Variants in TMEM183A observed in about 807,000 individuals in gnomAD.
TMEM183A encodes transmembrane protein 183A.
In TMEM183A, 21 loss-of-function variants were observed where a neutral mutation model predicts 46.7. The observed-to-expected ratio is 0.45, with a 90% confidence interval of 0.32 to 0.65. TMEM183A has a LOEUF of 0.65. TMEM183A is among the 30% of genes least tolerant of loss of function. TMEM183A has a pLI of 0.04. For missense variants in TMEM183A, 331 were observed against 481.9 expected (o/e 0.69, Z 2.93); for synonymous variants, 165 against 180.2 (o/e 0.92, Z 0.68).
rs1182645720 is a variant in TMEM183A at position 203,013,825 on chromosome 1, C to T, written c.368-1064C>T. On this transcript the variant is annotated intron_variant, in intron 3 of 7. Coordinates refer to ENST00000367242, the MANE Select transcript of TMEM183A (RefSeq NM_138391.6). This position sits in a 1 kb window ranked among gnomAD's most constrained non-coding sequence, Gnocchi z 4.0. The stretch of plus-strand genomic sequence containing the variant: ...ACCGTGCCCGGCCTAAGTGCCATCT[C>T]AGCTCACTGCAACCTCCACCTCCTG... Among the ~76,000 whole-genome samples, 5 of 151,638 alleles carry T rather than the reference C, an allele frequency of 3.3e-5. No homozygotes were observed.
intron 6 of TMEM183A, 28 bp from the exon 7 acceptor site, chr1:203,020,765 C>T: frequency 6.2e-7 from 1 of 1,613,168 alleles, no homozygotes; most frequent in Non-Finnish European, 8.5e-7. Context: ...TCTTCTAAGC[C>T]ATTGGATTAA....
intron 3 of TMEM183A, among the ~76,000 whole-genome samples, chr1:203,012,722 T>G (rs1306375507): frequency 6.6e-6 from 1 of 152,198 alleles, no homozygotes; most frequent in Non-Finnish European, 1.5e-5. Flanking sequence ...TTTTGTTTGT[T>G]TTTTTGGTTT....
intron 7 of TMEM183A, 116 bp from the exon 8 acceptor site, chr1:203,022,739 G>T: frequency 1.4e-5 from 18 of 1,282,528 alleles, no homozygotes; most frequent in Non-Finnish European, 2.0e-5. Context: ...TTATAATTTA[G>T]AGATTAATCT....
chr1:203,015,833 G>T lies in TMEM183A; in HGVS notation c.528-127G>T. 4.1e-6 allele frequency: 5 copies of T among 1,207,732 alleles called. No individual in the cohort carries two copies. In the South Asian group the frequency reaches 7.9e-5, roughly 19 times the overall value. The allele number at this position is 1,207,732 out of a possible 1,614,324, so 74.8% of individuals were successfully genotyped here. ...CGCCAAGAGGTCAAGTAGCACTGGG[G>T]ACAGGCTATCTACTGGCCAGTGGAA... On this transcript the variant is annotated intron_variant, in intron 4 of 7. Transcript: ENST00000367242.
chr1:203,018,905 A>C (rs890480986), intron 6 of TMEM183A, among the ~76,000 whole-genome samples: 1 of 152,232 alleles, frequency 6.6e-6, no homozygotes, highest in African/African-American at 2.4e-5. Flanking sequence ...AATCCCATTC[A>C]TGAGGGAGGG....
intron 7 of TMEM183A, among the ~76,000 whole-genome samples, chr1:203,021,708 A>G (rs1478840600): frequency 1.3e-5 from 2 of 152,234 alleles, no homozygotes; most frequent in Admixed American, 6.5e-5. Flanking sequence ...TCACTGTTCA[A>G]GGCTTGGCCA....
rs188315788 is a variant in TMEM183A, at chr1:203,013,904, G to A, written c.368-985G>A. On this transcript the variant is annotated intron_variant, in intron 3 of 7. Coordinates refer to ENST00000367242, the MANE Select transcript of TMEM183A (RefSeq NM_138391.6). The surrounding 1 kb of genome is among the most constrained non-coding windows in gnomAD (Gnocchi z 4.0). ...CCACGTAGCTGGATTACAGGCACGTGCCACCACGCCCAGCTAATTTTTGTA... is the reference window on the plus strand; with the variant it reads ...CCACGTAGCTGGATTACAGGCACGTACCACCACGCCCAGCTAATTTTTGTA... Among the ~76,000 whole-genome samples the A allele has an allele frequency of 1.3e-4, 20 of 152,142 alleles. No individual in the cohort carries two copies. Among genetic ancestry groups the A allele is most frequent in the African/African-American group, 4.8e-4 (20 of 41,526 alleles).
At chr1:203,022,430 T>C (rs1053010472) in intron 7 of TMEM183A, among the ~76,000 whole-genome samples, 3 of 152,054 alleles carry the variant, frequency 2.0e-5, no homozygotes, top group Non-Finnish European at 2.9e-5. Context: ...TGGCTGGGCG[T>C]GGTGGCTCAT....
chr1:203,016,204 G>T, intron 5 of TMEM183A, 64 bp downstream of exon 5: 1 of 1,607,830 alleles, frequency 6.2e-7, no homozygotes, highest in Non-Finnish European at 8.5e-7. Context: ...TGTTATCATG[G>T]CTTGTCTCCA....
Position 203,024,387 on chromosome 1 carries a change from G to A in TMEM183A, c.*1347G>A, listed in dbSNP as rs1657991259. Reference sequence around the variant, plus strand: ...CCTCCACCATCCAAAATTAACCAGTGAGCTGGATATTACCTGGATATTGCC... The same window carrying A: ...CCTCCACCATCCAAAATTAACCAGTAAGCTGGATATTACCTGGATATTGCC... On this transcript the variant is annotated 3_prime_UTR_variant, in exon 8 of 8. Transcript: ENST00000367242. 1 of 152,046 alleles carries A rather than the reference G, an allele frequency of 6.6e-6. No individual in the cohort carries two copies. The highest frequency in any genetic ancestry group is 2.4e-5 in the African/African-American group (1 of 41,396). The allele number at this position is 152,046 out of a possible 1,614,324, so 9.4% of individuals were successfully genotyped here.
chr1:203,008,453 C>CTTTTTTTTTTTT (rs35395088), intron 2 of TMEM183A, among the ~76,000 whole-genome samples, 190 bp from the exon 3 acceptor site: 1 of 106,118 alleles, frequency 9.4e-6, no homozygotes, highest in African/African-American at 3.3e-5. Flanking sequence ...CATTGCTTTC[C>CTTTTTTTTTTTT]TTTTTTTTTT....
intron 7 of TMEM183A, among the ~76,000 whole-genome samples, chr1:203,022,351 A>G (rs942675234): frequency 6.6e-5 from 10 of 151,852 alleles, no homozygotes; most frequent in African/African-American, 2.4e-4. Flanking sequence ...GGCTTTCTTT[A>G]GCATAGTTTA....
intron 4 of TMEM183A, chr1:203,015,271 A>T (rs1657062511): frequency 3.3e-6 from 2 of 609,138 alleles, no homozygotes; most frequent in African/African-American, 1.9e-5. Context: ...CCACTCCAGT[A>T]TCCACTTTCA....
Position 203,024,553 on chromosome 1 carries a change from C to T in TMEM183A, c.*1513C>T, listed in dbSNP as rs1658015258. 6.7e-6 allele frequency: 1 copy of T among 150,232 alleles called. No individual in the cohort carries two copies. Among genetic ancestry groups the T allele is most frequent in the Admixed American group, 6.7e-5 (1 of 15,018 alleles). The allele number at this position is 150,232 out of a possible 1,614,324, so 9.3% of individuals were successfully genotyped here. On this transcript the variant is annotated 3_prime_UTR_variant, in exon 8 of 8. Transcript: ENST00000367242. Reference sequence around the variant, plus strand: ...AGCATCTGCTTAATTTTGCTGCTAACAGCTAACCTTATCCCACGTTGAGGG... The same window carrying T: ...AGCATCTGCTTAATTTTGCTGCTAATAGCTAACCTTATCCCACGTTGAGGG...
intron 5 of TMEM183A, chr1:203,017,746 CTCTT>C (rs1657306294): frequency 1.0e-6 from 1 of 985,914 alleles, no homozygotes; most frequent in Non-Finnish European, 1.2e-6. Context: ...CCCCCTCTCT[CTCTT>C]TTCAGTAGCA....
intron 5 of TMEM183A, 67 bp from the exon 6 acceptor site, chr1:203,018,414 G>T (rs1056763206): frequency 6.5e-7 from 1 of 1,541,168 alleles, no homozygotes. Flanking sequence ...GATTATTTTG[G>T]TTGTAGTGTA....
intron 2 of TMEM183A, 135 bp from the exon 3 acceptor site, chr1:203,008,508 A>G: frequency 1.5e-6 from 1 of 645,508 alleles, no homozygotes; most frequent in Admixed American, 5.2e-5. Flanking sequence ...TTTTTTGGTG[A>G]CAGATTCTCA....
Position 203,016,060 on chromosome 1 carries a change from A to G in TMEM183A, c.628A>G (p.Met210Val). 1 of 1,614,176 alleles carries G rather than the reference A, an allele frequency of 6.2e-7. No homozygotes were observed. The highest frequency in any genetic ancestry group is 1.1e-5 in the South Asian group (1 of 91,080). The change falls in exon 5 of 8, where the codon ATG (methionine) becomes GTG (valine). Residue 210 changes from methionine (M) to valine (V), a missense_variant. By Grantham distance (21) the Met-to-Val change is conservative. This residue lies in a region of TMEM183A where 233 missense variants were observed against 385.8 expected (regional missense o/e 0.60). Transcript: ENST00000367242. ...RACVIRSLYH[M>V]YEPFAARISK... ...TTGTGTGATCCGATCTCTGTACCAT[A>G]TGTATGAGCCATTTGCTGCTCGAAT...
Position 203,014,962 on chromosome 1 carries a change from T to G in TMEM183A, c.441T>G (p.Pro147=), listed in dbSNP as rs1657025508. 1 of 1,613,838 alleles carries G rather than the reference T, an allele frequency of 6.2e-7. No individual in the cohort carries two copies. The part of the protein sequence containing the change: ...IWLLLASYIR[P]EDIVNFSLIC... ...TATTGCTGGCCTCCTATATCCGTCC[T>G]GAGGACATTGTGAATTTTTCCCTGA... The change falls in exon 4 of 8, where the codon CCT becomes CCG. Residue 147 remains proline, a synonymous_variant. Coordinates refer to ENST00000367242, the MANE Select transcript of TMEM183A (RefSeq NM_138391.6).
Sources: gnomAD v4.1 joint callset for allele counts (sites outside exome capture counted in the v4.1 genomes callset) on GRCh38, gnomAD v4.1.1 for gene constraint, gnomAD v4.1.1 regional missense constraint, Gnocchi (gnomAD v3.1) non-coding constraint, MANE v1.5 for transcripts, NCBI Gene and HGNC (gene_info 2026-07-23, HGNC 2026-07-21) for gene names.